The following TSHZ2 variants were observed in gnomAD, a reference collection of about 807,000 sequenced individuals.
TSHZ2 encodes the protein teashirt zinc finger homeobox 2.
Under a neutral mutation model 74.4 loss-of-function variants are expected in TSHZ2, and 21 were observed. The observed-to-expected ratio is 0.28, with a 90% CI of 0.20 to 0.41. TSHZ2 has a LOEUF of 0.41. TSHZ2 is among the 10% of genes least tolerant of loss of function. TSHZ2 has a pLI of 1.00. For synonymous variants in TSHZ2, 540 were observed against 515.3 expected (o/e 1.05, Z -0.65); for missense variants, 1,244 against 1,293.5 (o/e 0.96, Z 0.59).
intron 1 of TSHZ2, among the ~76,000 whole-genome samples, chr20:53,014,544 C>T (rs1425569922): frequency 6.6e-6 from 1 of 152,140 alleles, no homozygotes; most frequent in Non-Finnish European, 1.5e-5. Flanking sequence ...TCCTGCTGCT[C>T]ATGGGTTCCT....
chr20:53,331,506 G>A (rs1979721625), intron 2 of TSHZ2, among the ~76,000 whole-genome samples: 1 of 152,142 alleles, frequency 6.6e-6, no homozygotes, highest in Non-Finnish European at 1.5e-5. Flanking sequence ...CCTCTGAGGG[G>A]AGAGGGGAGA....
At chr20:53,426,001 G>A (rs1394142965) in intron 2 of TSHZ2, among the ~76,000 whole-genome samples, 2 of 152,038 alleles carry the variant, frequency 1.3e-5, no homozygotes, top group Non-Finnish European at 2.9e-5. Flanking sequence ...CTCGATATTG[G>A]GAACTCAGTT....
chr20:53,167,708 C>T (rs1334065209), intron 1 of TSHZ2, among the ~76,000 whole-genome samples: 4 of 151,994 alleles, frequency 2.6e-5, no homozygotes, highest in Non-Finnish European at 5.9e-5. Flanking sequence ...TTCCTGGAGG[C>T]CTGTGTGTTT....
chr20:53,042,028 T>C (rs1437357258), intron 1 of TSHZ2, among the ~76,000 whole-genome samples: 1 of 152,044 alleles, frequency 6.6e-6, no homozygotes, highest in African/African-American at 2.4e-5. Flanking sequence ...CTCTCCTACA[T>C]TGCAGCATAT....
intron 1 of TSHZ2, among the ~76,000 whole-genome samples, chr20:53,210,277 A>G (rs755814226): frequency 5.3e-5 from 8 of 152,348 alleles, no homozygotes; most frequent in Non-Finnish European, 8.8e-5. Context: ...TTGCAAGAGC[A>G]GAGAGCCAAT....
intron 1 of TSHZ2, among the ~76,000 whole-genome samples, chr20:53,224,848 T>C (rs1989645022): frequency 8.6e-6 from 1 of 116,326 alleles, no homozygotes; most frequent in Non-Finnish European, 1.9e-5. Flanking sequence ...AGACTCCATC[T>C]CAAAAAAAAA....
At chr20:52,987,627 C>A (rs966477780) in intron 1 of TSHZ2, among the ~76,000 whole-genome samples, 2 of 152,076 alleles carry the variant, frequency 1.3e-5, no homozygotes, top group Admixed American at 1.3e-4. Context: ...TCACTTGTGG[C>A]TTTTAGTGAA....
In TSHZ2 at chr20:53,088,495, T is replaced by C. The variant is rs562634922; in HGVS notation, c.40+115162T>C. On this transcript the variant is annotated intron_variant, in intron 1 of 2. Coordinates refer to ENST00000371497, the MANE Select transcript of TSHZ2 (RefSeq NM_173485.6). The stretch of plus-strand genomic sequence containing the variant: ...TTGAATGGAATTGAGGATCTCAGCG[T>C]TGGCCCTCCGTCCTGCTGTTGTCAA... Among the ~76,000 whole-genome samples the C allele has an allele frequency of 3.9e-5, 6 of 152,304 alleles. No individual in the cohort carries two copies. In the South Asian group the frequency reaches 1.0e-3, roughly 26 times the overall value.
At chr20:53,266,453 T>C (rs767354404) in intron 2 of TSHZ2, among the ~76,000 whole-genome samples, 12 of 152,298 alleles carry the variant, frequency 7.9e-5, no homozygotes, top group Middle Eastern at 3.4e-3. Flanking sequence ...ACCCCTCCAC[T>C]TACAGGATCA....
intron 2 of TSHZ2, among the ~76,000 whole-genome samples, chr20:53,386,756 C>T (rs156627): frequency 0.075 from 11,351 of 152,144 alleles, 510 homozygotes; most frequent in Non-Finnish European, 0.083. Context: ...TCCCAGAAGG[C>T]GGCGGAATGT....
intron 2 of TSHZ2, among the ~76,000 whole-genome samples, chr20:53,294,388 T>G (rs1007413863): frequency 6.6e-6 from 1 of 152,124 alleles, no homozygotes; most frequent in Non-Finnish European, 1.5e-5. Flanking sequence ...AGTCATAAAA[T>G]ACTTTCCCCA....
At chr20:53,403,900 CA>C (rs1982758023) in intron 2 of TSHZ2, among the ~76,000 whole-genome samples, 1 of 152,114 alleles carries the variant, frequency 6.6e-6, no homozygotes, top group East Asian at 1.9e-4. Context: ...GATTACTAAC[CA>C]CAGCCGTGAG....
In TSHZ2 at chr20:53,074,357, A is replaced by G. The variant is rs952143014; in HGVS notation, c.40+101024A>G. 6.6e-6 allele frequency among the ~76,000 whole-genome samples: 1 copy of G among 152,234 alleles called. No homozygotes were observed. Among genetic ancestry groups the G allele is most frequent in the African/African-American group, 2.4e-5 (1 of 41,462 alleles). ...CTGGATTTTGAGTTTCCAGAGGGCT[A>G]GGACCAGGATTCATGGGTCTTTGTG... On this transcript the variant is annotated intron_variant, in intron 1 of 2. Transcript: ENST00000371497. This position sits in a 1 kb window ranked among gnomAD's most constrained non-coding sequence, Gnocchi z 5.9.
At chr20:53,236,878 A>T (rs1989951753) in intron 1 of TSHZ2, among the ~76,000 whole-genome samples, 1 of 152,202 alleles carries the variant, frequency 6.6e-6, no homozygotes, top group African/African-American at 2.4e-5. Context: ...GAATTCACTC[A>T]CTATTATAAG....
intron 2 of TSHZ2, among the ~76,000 whole-genome samples, chr20:53,428,588 G>A (rs1289839996): frequency 6.6e-6 from 1 of 152,160 alleles, no homozygotes; most frequent in African/African-American, 2.4e-5. Flanking sequence ...GATGAGGGTG[G>A]TCAATGAACT....
At chr20:53,089,036 T>G (rs1045206895) in intron 1 of TSHZ2, among the ~76,000 whole-genome samples, 2 of 152,030 alleles carry the variant, frequency 1.3e-5, no homozygotes, top group African/African-American at 4.8e-5. Context: ...GTGTGAAAGC[T>G]TTCCGTGGCT....
At chr20:53,102,493 G>A (rs1482066797) in intron 1 of TSHZ2, among the ~76,000 whole-genome samples, 1 of 149,912 alleles carries the variant, frequency 6.7e-6, no homozygotes, top group Non-Finnish European at 1.5e-5. Context: ...GAGGAGGGGA[G>A]AGGAAGGAAG....
intron 1 of TSHZ2, among the ~76,000 whole-genome samples, chr20:53,080,132 T>C (rs1985486287): frequency 6.6e-6 from 1 of 152,202 alleles, no homozygotes; most frequent in African/African-American, 2.4e-5. Context: ...AGAGCTCTTA[T>C]GGTACCAGAC....
intron 1 of TSHZ2, among the ~76,000 whole-genome samples, chr20:52,997,241 C>T (rs1024523129): frequency 2.8e-5 from 4 of 142,388 alleles, no homozygotes; most frequent in Admixed American, 2.8e-4. Flanking sequence ...TGCCCTGGTT[C>T]CTGTGCTCAT....
Sources: allele counts gnomAD v4.1 joint callset (sites outside exome capture counted in the v4.1 genomes callset), GRCh38; gene constraint gnomAD v4.1.1; non-coding constraint Gnocchi (gnomAD v3.1); transcripts MANE v1.5; gene names NCBI Gene and HGNC (gene_info 2026-07-23, HGNC 2026-07-21).